The following NUDCD3 variants were observed in gnomAD, a reference collection of about 807,000 sequenced individuals.
The protein encoded by NUDCD3 is nudC domain-containing protein 3.
NUDCD3 carries 13 observed loss-of-function variants against 39.7 expected under a neutral mutation model. The ratio of observed to expected loss-of-function variants is 0.33; its 90% confidence interval spans 0.21 to 0.52. NUDCD3 has a LOEUF of 0.52. NUDCD3 is among the 20% of genes least tolerant of loss of function. The pLI, the probability that NUDCD3 is intolerant of heterozygous loss-of-function variation, is 0.96. For synonymous variants in NUDCD3, 175 were observed against 172.4 expected (o/e 1.02, Z -0.12); for missense variants, 453 against 458.1 (o/e 0.99, Z 0.10).
intron 1 of NUDCD3, chr7:44,485,629 G>C (rs1800594433): frequency 5.5e-6 from 1 of 182,700 alleles, no homozygotes; most frequent in Non-Finnish European, 1.1e-5. Flanking sequence ...ACAACTGTGG[G>C]TTATAAAGGC....
chr7:44,465,381 G>A (rs1179832249), intron 2 of NUDCD3, among the ~76,000 whole-genome samples: 2 of 152,122 alleles, frequency 1.3e-5, no homozygotes, highest in African/African-American at 2.4e-5. Flanking sequence ...CTGAACAGCC[G>A]TTAGAGAACA....
At chr7:44,473,390 C>T (rs1019101475) in intron 2 of NUDCD3, among the ~76,000 whole-genome samples, 19 of 152,160 alleles carry the variant, frequency 1.2e-4, no homozygotes, top group Non-Finnish European at 2.4e-4. Flanking sequence ...GTTTCCTAAA[C>T]TACAAAATGG....
At chr7:44,427,939 C>A (rs1039093649) in intron 2 of NUDCD3, among the ~76,000 whole-genome samples, 1 of 151,988 alleles carries the variant, frequency 6.6e-6, no homozygotes, top group Non-Finnish European at 1.5e-5. Context: ...AGAAAAGAAA[C>A]CCCAGTGCAG....
chr7:44,388,458 A>C (rs1037304700), intron 5 of NUDCD3, among the ~76,000 whole-genome samples: 16 of 152,204 alleles, frequency 1.1e-4, no homozygotes, highest in African/African-American at 3.9e-4. Flanking sequence ...CCTACCTTCT[A>C]GGTGTTTCCT....
chr7:44,426,656 C>T (rs1263434968), intron 3 of NUDCD3, among the ~76,000 whole-genome samples: 1 of 151,898 alleles, frequency 6.6e-6, no homozygotes, highest in Non-Finnish European at 1.5e-5. Context: ...ATTAGCCGGG[C>T]GTAGTGGCGG....
At chr7:44,386,149 G>A in intron 5 of NUDCD3, 28 bp from the exon 6 acceptor site, 1 of 1,613,114 alleles carries the variant, frequency 6.2e-7, no homozygotes, top group Non-Finnish European at 8.5e-7. Flanking sequence ...AGAGATTAAA[G>A]GGGATCACAA....
chr7:44,478,071 T>A (rs1414223672), intron 2 of NUDCD3, among the ~76,000 whole-genome samples: 1 of 152,120 alleles, frequency 6.6e-6, no homozygotes, highest in African/African-American at 2.4e-5. Flanking sequence ...TGACTTCAAA[T>A]GATCAGCCGG....
intron 2 of NUDCD3, among the ~76,000 whole-genome samples, chr7:44,479,463 C>T (rs1800444437): frequency 6.6e-6 from 1 of 152,070 alleles, no homozygotes; most frequent in African/African-American, 2.4e-5. Flanking sequence ...CAGCAAGATC[C>T]TGTCTCTAAA....
intron 2 of NUDCD3, among the ~76,000 whole-genome samples, chr7:44,434,569 G>A (rs1038251893): frequency 1.3e-4 from 20 of 152,086 alleles, no homozygotes; most frequent in Non-Finnish European, 2.8e-4. Context: ...CCCCCGCCCC[G>A]CAATATCAGG....
intron 2 of NUDCD3, among the ~76,000 whole-genome samples, chr7:44,461,337 G>C (rs182417506): frequency 1.5e-3 from 233 of 152,292 alleles, no homozygotes; most frequent in African/African-American, 5.4e-3. Flanking sequence ...CACTCTATAT[G>C]TCTGACTGCT....
chr7:44,399,061 CAT>C (rs988714581), intron 4 of NUDCD3, among the ~76,000 whole-genome samples: 6 of 152,216 alleles, frequency 3.9e-5, no homozygotes, highest in Non-Finnish European at 7.3e-5. Flanking sequence ...CTGGAAGGCC[CAT>C]GTATTCCAGG....
rs149142396 is a variant in NUDCD3 at position 44,404,521 on chromosome 7, G to A, written c.705C>T (p.Arg235=). 2.0e-4 allele frequency: 326 copies of A among 1,613,912 alleles called. No homozygotes were observed. Among genetic ancestry groups the A allele is most frequent in the African/African-American group, 6.9e-4 (52 of 74,964 alleles). Residue 235 remains arginine (R), a synonymous_variant, in exon 4 of 6, where the codon CGC becomes CGT. Coordinates refer to ENST00000355451, the MANE Select transcript of NUDCD3 (RefSeq NM_015332.4). ...RVAMLEENGE[R]VLMEGKLTHK... is the part of the protein sequence containing the mutation. ...GGGTGAGCTTCCCTTCCATGAGGACGCGCTCCCCATTTTCCTCCAGCATGG... is the reference window on the plus strand; with the variant it reads ...GGGTGAGCTTCCCTTCCATGAGGACACGCTCCCCATTTTCCTCCAGCATGG...
chr7:44,472,171 G>A (rs779329330), intron 2 of NUDCD3, among the ~76,000 whole-genome samples: 12 of 151,924 alleles, frequency 7.9e-5, no homozygotes, highest in South Asian at 2.1e-4. Flanking sequence ...CAAATTTTGA[G>A]GAGGAGGAAA....
intron 1 of NUDCD3, chr7:44,490,141 T>C (rs577676136): frequency 5.1e-6 from 2 of 389,862 alleles, no homozygotes; most frequent in Non-Finnish European, 9.2e-6. Flanking sequence ...CCCAGCACCG[T>C]GAGGGGTACG....
At chr7:44,387,370 T>C (rs1182131178) in intron 5 of NUDCD3, among the ~76,000 whole-genome samples, 2 of 152,104 alleles carry the variant, frequency 1.3e-5, no homozygotes, top group Non-Finnish European at 2.9e-5. Flanking sequence ...AACAAGCATA[T>C]CAAAGACAGA....
chr7:44,389,111 T>A (rs967977325), intron 5 of NUDCD3, among the ~76,000 whole-genome samples: 1 of 152,222 alleles, frequency 6.6e-6, no homozygotes, highest in Non-Finnish European at 1.5e-5. Flanking sequence ...CCCCACTGAA[T>A]TGCCCTCAGA....
rs1254047514 is a variant in NUDCD3 at position 44,380,062 on chromosome 7, C to T, written c.*5949G>A. On this transcript the variant is annotated 3_prime_UTR_variant, in exon 6 of 6. Transcript: ENST00000355451. ...GGTCCACCTGCTTTAGGTATACCTT[C>T]CTACCAGGACATGAGAGCCCACAGT... is the stretch of plus-strand genomic sequence containing the variant. 1 of 152,282 alleles carries T rather than the reference C, an allele frequency of 6.6e-6. No homozygotes were observed. The allele number at this position is 152,282 out of a possible 1,614,324, so 9.4% of individuals were successfully genotyped here.
intron 2 of NUDCD3, among the ~76,000 whole-genome samples, chr7:44,450,195 T>G (rs1563180822): frequency 6.6e-6 from 1 of 151,696 alleles, no homozygotes; most frequent in African/African-American, 2.4e-5. Context: ...TTTTTTTTTT[T>G]GACACAGAGT....
chr7:44,392,984 A>T (rs1478677698), intron 4 of NUDCD3, among the ~76,000 whole-genome samples: 1 of 152,098 alleles, frequency 6.6e-6, no homozygotes, highest in Non-Finnish European at 1.5e-5. Context: ...AACATCCAAC[A>T]TTCTGCTATC....
Sources: gnomAD v4.1 joint callset for allele counts (sites outside exome capture counted in the v4.1 genomes callset) on GRCh38, gnomAD v4.1.1 for gene constraint, MANE v1.5 for transcripts, NCBI Gene and HGNC (gene_info 2026-07-23, HGNC 2026-07-21) for gene names.